The following MEOX2 variants were observed in gnomAD, a reference collection of about 807,000 sequenced individuals.
MEOX2 encodes the protein homeobox protein MOX-2.
In MEOX2, 11 loss-of-function variants were observed where a neutral mutation model predicts 27.0. That is an observed-to-expected ratio of 0.41 (90% CI 0.26 to 0.68). The LOEUF is 0.68. Among genes scored for constraint, MEOX2 ranks in the 30% least tolerant of loss-of-function variants. MEOX2 has a pLI of 0.33. For synonymous variants in MEOX2, 189 were observed against 155.4 expected (o/e 1.22, Z -1.61); for missense variants, 436 against 385.4 (o/e 1.13, Z -1.10).
Position 15,626,052 on chromosome 7 carries a change from C to T in MEOX2, c.690+694G>A, listed in dbSNP as rs576180292. On this transcript the variant is annotated intron_variant, in intron 2 of 2. Coordinates refer to ENST00000262041, the MANE Select transcript of MEOX2 (RefSeq NM_005924.5). Reference sequence around the variant, plus strand: ...ATGTGTCCTTGCCTTTCATCATTTCCCAGCCATCTTGCACCTAAGCCGCAC... The same window carrying T: ...ATGTGTCCTTGCCTTTCATCATTTCTCAGCCATCTTGCACCTAAGCCGCAC... 2.0e-5 allele frequency among the ~76,000 whole-genome samples: 3 copies of T among 152,164 alleles called. No individual in the cohort carries two copies. The South Asian group carries it at 6.2e-4, about 32-fold the overall frequency.
intron 1 of MEOX2, among the ~76,000 whole-genome samples, chr7:15,673,824 A>T (rs1782150037): frequency 6.6e-6 from 1 of 152,100 alleles, no homozygotes; most frequent in African/African-American, 2.4e-5. Context: ...CCTGTAGAAA[A>T]CTTGAATGTA....
intron 1 of MEOX2, among the ~76,000 whole-genome samples, chr7:15,651,608 C>G (rs1345602845): frequency 6.6e-6 from 1 of 151,834 alleles, no homozygotes; most frequent in Non-Finnish European, 1.5e-5. Flanking sequence ...CACAAGAAGT[C>G]CAGTAGCACA....
intron 2 of MEOX2, among the ~76,000 whole-genome samples, chr7:15,626,496 C>A (rs1223409415): frequency 1.3e-5 from 2 of 151,706 alleles, no homozygotes; most frequent in African/African-American, 4.8e-5. Context: ...ATTTTAAAAC[C>A]CAAAAATACA....
chr7:15,659,184 G>A (rs955379511), intron 1 of MEOX2, among the ~76,000 whole-genome samples: 2 of 151,998 alleles, frequency 1.3e-5, no homozygotes, highest in African/African-American at 2.4e-5. Context: ...TTTATTTATT[G>A]TTTTTGTAGA....
intron 1 of MEOX2, chr7:15,668,131 A>G (rs1782037743): frequency 6.6e-6 from 1 of 152,210 alleles, no homozygotes; most frequent in South Asian, 2.1e-4. Flanking sequence ...TTTGAACAAC[A>G]GGGGGTGGAA....
chr7:15,673,628 G>C (rs1045247314), intron 1 of MEOX2, among the ~76,000 whole-genome samples: 6 of 118,872 alleles, frequency 5.0e-5, no homozygotes, highest in Non-Finnish European at 7.2e-5. Context: ...AGATTGGTCA[G>C]AACAAAAGCA....
intron 2 of MEOX2, among the ~76,000 whole-genome samples, chr7:15,622,450 A>T (rs1781235511): frequency 6.6e-6 from 1 of 152,200 alleles, no homozygotes; most frequent in African/African-American, 2.4e-5. Flanking sequence ...AAACTATTTT[A>T]TATTCAAATA....
intron 1 of MEOX2, among the ~76,000 whole-genome samples, chr7:15,671,640 T>C (rs1404304128): frequency 6.6e-6 from 1 of 152,166 alleles, no homozygotes; most frequent in Non-Finnish European, 1.5e-5. Context: ...ACAAACAGCA[T>C]TGAGGAATAT....
rs201748928 is a variant in MEOX2 at position 15,686,130 on chromosome 7, G to A, written c.273C>T (p.Asn91=). The A allele has an allele frequency of 6.9e-6, 11 of 1,583,414 alleles. No individual in the cohort carries two copies. Among genetic ancestry groups the A allele is most frequent in the Non-Finnish European group, 9.4e-6 (11 of 1,165,454 alleles). Residue 91 remains asparagine (N), a synonymous_variant, in exon 1 of 3, where the codon AAC becomes AAT. Transcript: ENST00000262041. ...GGGAAGACATCTGCGGGAGGTGCCA[G>A]TTGGTTTGCAGAGCCTGGTGCTGCT... ...QQQQHQALQT[N]WHLPQMSSPP...
At chr7:15,631,541 A>C (rs964124065) in intron 1 of MEOX2, among the ~76,000 whole-genome samples, 1 of 151,816 alleles carries the variant, frequency 6.6e-6, no homozygotes, top group African/African-American at 2.4e-5. Flanking sequence ...TATAGCTAAA[A>C]GTTTTATGTA....
In MEOX2 at chr7:15,626,785, T is replaced by G. The variant is rs1373253559; in HGVS notation, c.651A>C (p.Arg217=). 4 of 1,609,126 alleles carry G rather than the reference T, an allele frequency of 2.5e-6. No homozygotes were observed. In the South Asian group the frequency reaches 3.3e-5, roughly 13 times the overall value. ...GATCCAGATTCACTGCTATCTCGTA[T>G]CGCCTCAGTCTGGTGAGATAATTAT... is the stretch of plus-strand genomic sequence containing the variant. ...AHHNYLTRLR[R]YEIAVNLDLT... The change falls in exon 2 of 3, where the codon CGA becomes CGC. Residue 217 remains arginine (R), a synonymous_variant. Transcript: ENST00000262041.
intron 2 of MEOX2, among the ~76,000 whole-genome samples, chr7:15,618,469 T>C (rs1781159632): frequency 6.6e-6 from 1 of 152,048 alleles, no homozygotes; most frequent in African/African-American, 2.4e-5. Flanking sequence ...CCAACTAGAA[T>C]GATGGTCTTT....
At chr7:15,630,956 A>G (rs1039649995) in intron 1 of MEOX2, among the ~76,000 whole-genome samples, 11 of 151,864 alleles carry the variant, frequency 7.2e-5, no homozygotes, top group African/African-American at 2.7e-4. Flanking sequence ...CCTCTTGCCA[A>G]TCCACTTTCC....
intron 1 of MEOX2, chr7:15,679,817 T>C (rs891772526): frequency 2.0e-5 from 3 of 151,998 alleles, no homozygotes; most frequent in South Asian, 2.1e-4. Context: ...CTATCTTTCA[T>C]ACAAACCCTT....
At chr7:15,661,492 T>C (rs1781916734) in intron 1 of MEOX2, among the ~76,000 whole-genome samples, 1 of 152,218 alleles carries the variant, frequency 6.6e-6, no homozygotes, top group African/African-American at 2.4e-5. Context: ...ATCAACCACA[T>C]ATGTTTTTAG....
In MEOX2 at chr7:15,626,757, T is replaced by C; in HGVS notation, c.679A>G (p.Thr227Ala). The change falls in exon 2 of 3, where the codon ACT (threonine) becomes GCT (alanine). Residue 227 changes from threonine to alanine, a missense_variant. By Grantham distance (58) the Thr-to-Ala change is moderately conservative (BLOSUM62 0). Coordinates refer to ENST00000262041, the MANE Select transcript of MEOX2 (RefSeq NM_005924.5). ...RYEIAVNLDL[T>A]ERQVKVWFQN... ...ATGCCCAGCTTTACCTGTCTTTCAGTGAGATCCAGATTCACTGCTATCTCG... is the reference window on the plus strand; with the variant it reads ...ATGCCCAGCTTTACCTGTCTTTCAGCGAGATCCAGATTCACTGCTATCTCG... The C allele has an allele frequency of 4.4e-6, 7 of 1,608,066 alleles. No individual in the cohort carries two copies. Among genetic ancestry groups the C allele is most frequent in the Non-Finnish European group, 5.9e-6 (7 of 1,176,864 alleles).
chr7:15,651,428 AT>A (rs1781730974), intron 1 of MEOX2, among the ~76,000 whole-genome samples: 1 of 152,046 alleles, frequency 6.6e-6, no homozygotes, highest in Admixed American at 6.6e-5. Context: ...ACTATTTCTA[AT>A]CACTCAAAAT....
intron 1 of MEOX2, among the ~76,000 whole-genome samples, chr7:15,634,259 T>C (rs773037992): frequency 1.3e-5 from 2 of 151,948 alleles, no homozygotes; most frequent in Non-Finnish European, 2.9e-5. Flanking sequence ...CAATGAAACA[T>C]AAACATATTC....
At chr7:15,681,374 C>G (rs550500632) in intron 1 of MEOX2, 8 of 151,560 alleles carry the variant, frequency 5.3e-5, no homozygotes, top group Non-Finnish European at 1.0e-4. Context: ...ATTTCGCAAG[C>G]AAGGCAGCAT....
Sources: allele counts gnomAD v4.1 joint callset (sites outside exome capture counted in the v4.1 genomes callset), GRCh38; gene constraint gnomAD v4.1.1; transcripts MANE v1.5; gene names NCBI Gene and HGNC (gene_info 2026-07-23, HGNC 2026-07-21).